The following COL28A1 variants were observed in gnomAD, a reference collection of about 807,000 sequenced individuals.
The protein encoded by COL28A1 is collagen alpha-1(XXVIII) chain.
COL28A1 carries 161 observed loss-of-function variants against 150.2 expected under a neutral mutation model. That is an observed-to-expected ratio of 1.07 (90% confidence interval 0.94 to 1.22). COL28A1 has a LOEUF of 1.22. Among genes scored for constraint, COL28A1 ranks in the 50% most tolerant of loss-of-function variants. The probability of loss-of-function intolerance (pLI) is 0.00; values close to 1 mark genes in which losing one functional copy is unlikely to be tolerated. For missense variants in COL28A1, 1,617 were observed against 1,388.3 expected, an observed-to-expected ratio of 1.16 and a Z score of -2.62; for synonymous variants, 552 against 469.7, an observed-to-expected ratio of 1.18 and a Z score of -2.26.
chr7:7,423,489 A>G (rs1488095394), intron 25 of COL28A1, among the ~76,000 whole-genome samples: 1 of 152,232 alleles, frequency 6.6e-6, no homozygotes. Flanking sequence ...AGGAGCACAC[A>G]GGTAGATTCA....
intron 27 of COL28A1, among the ~76,000 whole-genome samples, chr7:7,388,281 T>G (rs1333984021): frequency 6.6e-6 from 1 of 152,102 alleles, no homozygotes; most frequent in African/African-American, 2.4e-5. Flanking sequence ...CCTGTTCTTA[T>G]GTTAGTTTGC....
rs149526716 is a variant in COL28A1 at position 7,378,904 on chromosome 7, T to C, written c.2322+1756A>G. 2.5e-3 allele frequency among the ~76,000 whole-genome samples: 384 copies of C among 152,344 alleles called. 4 individuals carry two copies. The East Asian group carries it at 0.026, about 10-fold the overall frequency. On this transcript the variant is annotated intron_variant, in intron 30 of 34. Coordinates refer to ENST00000399429, the MANE Select transcript of COL28A1 (RefSeq NM_001037763.3). ...CACTAGTCCTACACTGCATGGGGGT[T>C]TGGCCAGCATTCATGCTGTGAACCA... is the stretch of plus-strand genomic sequence containing the variant.
intron 21 of COL28A1, 140 bp downstream of exon 21, chr7:7,440,650 G>A (rs535150414): frequency 4.0e-6 from 2 of 503,446 alleles, no homozygotes; most frequent in East Asian, 3.0e-5. Flanking sequence ...TTTTCTATAG[G>A]TTTCTTATTT....
At chr7:7,396,313 G>A (rs1007501056) in intron 27 of COL28A1, among the ~76,000 whole-genome samples, 1 of 152,044 alleles carries the variant, frequency 6.6e-6, no homozygotes, top group Non-Finnish European at 1.5e-5. Flanking sequence ...TAATTTTTGT[G>A]ATAACCCTGG....
chr7:7,520,825 G>C (rs959643841), intron 5 of COL28A1, among the ~76,000 whole-genome samples: 3 of 152,028 alleles, frequency 2.0e-5, no homozygotes, highest in African/African-American at 7.2e-5. Flanking sequence ...TCTTACCCTG[G>C]CCATCTCTTG....
At chr7:7,459,777 A>G (rs1787462635) in intron 15 of COL28A1, among the ~76,000 whole-genome samples, 1 of 152,246 alleles carries the variant, frequency 6.6e-6, no homozygotes, top group African/African-American at 2.4e-5. Flanking sequence ...CCTGGCAAGT[A>G]GGCCGTGGTG....
Position 7,380,773 on chromosome 7 carries a change from A to C in COL28A1, c.2286+9T>G. ...ATAAAATCACAGTGAGACATTAAAA[A>C]CTACTTGCCTGTTTTCCTGGAGATC... is the stretch of plus-strand genomic sequence containing the variant. On this transcript the variant is annotated intron_variant, in intron 29 of 34. Transcript: ENST00000399429. 1 of 1,613,474 alleles carries C rather than the reference A, an allele frequency of 6.2e-7. No homozygotes were observed. Among genetic ancestry groups the C allele is most frequent in the South Asian group, 1.1e-5 (1 of 91,058 alleles).
At chr7:7,533,376 C>T (rs1211622859) in intron 1 of COL28A1, among the ~76,000 whole-genome samples, 1 of 152,056 alleles carries the variant, frequency 6.6e-6, no homozygotes, top group South Asian at 2.1e-4. Context: ...ACAACCACCA[C>T]CCTTTCAGGC....
At chr7:7,455,340 A>G (rs1266620007) in intron 16 of COL28A1, among the ~76,000 whole-genome samples, 1 of 152,238 alleles carries the variant, frequency 6.6e-6, no homozygotes. Flanking sequence ...ACTACATGGT[A>G]AACAACAGTA....
chr7:7,515,654 C>T (rs747677084), intron 8 of COL28A1, among the ~76,000 whole-genome samples, 160 bp downstream of exon 8: 3 of 152,170 alleles, frequency 2.0e-5, no homozygotes, highest in Non-Finnish European at 2.9e-5. Context: ...AACACACATC[C>T]ATATGTTAAG....
chr7:7,497,570 T>C (rs1780289442), intron 11 of COL28A1, among the ~76,000 whole-genome samples: 2 of 152,180 alleles, frequency 1.3e-5, no homozygotes, highest in African/African-American at 4.8e-5. Flanking sequence ...TTGAAACTTT[T>C]TAATTCTTCT....
chr7:7,360,767 C>A (rs1780612392), intron 33 of COL28A1, among the ~76,000 whole-genome samples: 1 of 152,116 alleles, frequency 6.6e-6, no homozygotes, highest in South Asian at 2.1e-4. Flanking sequence ...TGTACACACA[C>A]ATATACACAC....
At chr7:7,542,391 T>C in the COL28A1 span, among the ~76,000 whole-genome samples, 7 of 152,198 alleles carry the variant, frequency 4.6e-5, no homozygotes, top group Non-Finnish European at 1.0e-4. Flanking sequence ...GGGTAGATTA[T>C]GCAATAGAGC....
chr7:7,472,580 T>C (rs898416395), intron 15 of COL28A1, among the ~76,000 whole-genome samples: 1 of 152,156 alleles, frequency 6.6e-6, no homozygotes, highest in Non-Finnish European at 1.5e-5. Flanking sequence ...ATCAATATTG[T>C]GACAATGACC....
Position 7,429,406 on chromosome 7 carries a change from C to CCTCTCT in COL28A1, c.1998+3061_1998+3066dup, listed in dbSNP as rs4035101. 1.4e-3 allele frequency among the ~76,000 whole-genome samples: 191 copies of CCTCTCT among 134,412 alleles called. 1 individual carries two copies. Among genetic ancestry groups the CCTCTCT allele is most frequent in the African/African-American group, 5.8e-3 (174 of 30,254 alleles). 88.2% of individuals were successfully genotyped at this position (134,412 alleles called of 152,430 possible). ...TTGCCAGTTTCTGTCTATGAATCTC[C>CCTCTCT]CTCTCTCTCTCTCTCTCTCTCACAT... On this transcript the variant is annotated intron_variant, in intron 25 of 34. Transcript: ENST00000399429.
At chr7:7,428,377 C>A (rs1784759431) in intron 25 of COL28A1, among the ~76,000 whole-genome samples, 1 of 152,144 alleles carries the variant, frequency 6.6e-6, no homozygotes, top group South Asian at 2.1e-4. Flanking sequence ...GCACGGTAGG[C>A]TGTACCTGCC....
chr7:7,408,525 T>C (rs1207720709), intron 27 of COL28A1, among the ~76,000 whole-genome samples: 1 of 152,152 alleles, frequency 6.6e-6, no homozygotes, highest in East Asian at 1.9e-4. Flanking sequence ...CACAGAGGAT[T>C]GCAGTACAAA....
chr7:7,432,357 C>G lies in COL28A1; in HGVS notation c.1998+116G>C, dbSNP rs564903205. Reference sequence around the variant, plus strand: ...TATAGATAAGGGCAAATAACTTTATCAATTATTTCAGACACCTCTACTCTT... The same window carrying G: ...TATAGATAAGGGCAAATAACTTTATGAATTATTTCAGACACCTCTACTCTT... On this transcript the variant is annotated intron_variant, in intron 25 of 34. Transcript: ENST00000399429. 8.2e-6 allele frequency: 6 copies of G among 728,558 alleles called. No individual in the cohort carries two copies. The Admixed American group carries it at 1.1e-4, about 13-fold the overall frequency. 45.1% of individuals were successfully genotyped at this position (728,558 alleles called of 1,614,324 possible).
chr7:7,533,061 T>G, intron 1 of COL28A1, 149 bp from the exon 2 acceptor site: 1 of 919,110 alleles, frequency 1.1e-6, no homozygotes, highest in Non-Finnish European at 1.5e-6. Flanking sequence ...CATTGAGATT[T>G]TGAAAGATTT....
Sources: gnomAD v4.1 joint callset for allele counts (sites outside exome capture counted in the v4.1 genomes callset) on GRCh38, gnomAD v4.1.1 for gene constraint, MANE v1.5 for transcripts, NCBI Gene and HGNC (gene_info 2026-07-23, HGNC 2026-07-21) for gene names.